The following BRSK2 variants were observed in gnomAD, a reference collection of about 807,000 sequenced individuals.
BRSK2 encodes serine/threonine-protein kinase BRSK2.
In BRSK2, 19 loss-of-function variants were observed where a neutral mutation model predicts 83.3. The observed-to-expected ratio is 0.23, with a 90% CI of 0.16 to 0.33. The LOEUF (loss-of-function observed/expected upper bound fraction) is 0.33, where lower values mean the gene tolerates loss of function less well. Ranked by LOEUF, BRSK2 falls within the 10% of genes least tolerant of loss-of-function variation. The probability of loss-of-function intolerance (pLI) is 1.00; values close to 1 mark genes in which losing one functional copy is unlikely to be tolerated. For synonymous variants in BRSK2, 519 were observed against 435.4 expected, an observed-to-expected ratio of 1.19 and a Z score of -2.39; for missense variants, 798 against 1,042.3, an observed-to-expected ratio of 0.77 and a Z score of 3.23.
At position 1,418,338 on chromosome 11, in the gene BRSK2, TG is replaced by T. The variant is rs764690423; in HGVS notation, c.92-17701del. ...TTTCTTCTCTTGAGAGTGGGTCACC[TG>T]TGTCCTGCTTCTGTTGTCTGTTTCT... On this transcript the variant is annotated intron_variant, in intron 1 of 19. Transcript: ENST00000528841. 1.9e-4 allele frequency among the ~76,000 whole-genome samples: 29 copies of T among 150,300 alleles called. 1 individual carries two copies. The highest frequency in any genetic ancestry group is 6.2e-4 in the African/African-American group (25 of 40,376).
chr11:1,455,909 A>AAGCCCCAGCAGGAGGGCAC lies in BRSK2; in HGVS notation c.1669-429_1669-411dup, dbSNP rs1290481886. ...TCCCGCAACCAGTGGGAGTCCCAGG[A>AAGCCCCAGCAGGAGGGCAC]AGCCCCAGCAGGAGGGCACAGCCCC... On this transcript the variant is annotated intron_variant, in intron 16 of 19. Coordinates refer to ENST00000528841, the MANE Select transcript of BRSK2 (RefSeq NM_001256627.2). 2.0e-5 allele frequency among the ~76,000 whole-genome samples: 3 copies of AAGCCCCAGCAGGAGGGCAC among 150,386 alleles called. No homozygotes were observed. In the South Asian group the frequency reaches 6.4e-4, roughly 32 times the overall value.
In BRSK2 at chr11:1,461,688, G is replaced by C. The variant is rs547612009; in HGVS notation, c.*965G>C. The C allele has an allele frequency of 3.9e-5, 6 of 152,206 alleles. No homozygotes were observed. Among genetic ancestry groups the C allele is most frequent in the African/African-American group, 1.2e-4 (5 of 41,510 alleles). 9.4% of individuals were successfully genotyped at this position (152,206 alleles called of 1,614,324 possible). On this transcript the variant is annotated 3_prime_UTR_variant, in exon 20 of 20. Transcript: ENST00000528841. Reference sequence around the variant, plus strand: ...GGACAGAGCTGGTGGGGCGCGGGGGGGCTGGCGAGCTACTGTAAACTTTAA... The same window carrying C: ...GGACAGAGCTGGTGGGGCGCGGGGGCGCTGGCGAGCTACTGTAAACTTTAA...
At chr11:1,404,988 C>T (rs2134070453) in intron 1 of BRSK2, among the ~76,000 whole-genome samples, 1 of 139,156 alleles carries the variant, frequency 7.2e-6, no homozygotes, top group Non-Finnish European at 1.5e-5. Context: ...GTGCAGGCCT[C>T]TGTCTCTGGT....
intron 1 of BRSK2, among the ~76,000 whole-genome samples, chr11:1,392,598 C>T (rs1845794954): frequency 6.6e-6 from 1 of 152,204 alleles, no homozygotes; most frequent in South Asian, 2.1e-4. Flanking sequence ...CTGACCCAAG[C>T]TGGGGCCTGC....
intron 1 of BRSK2, among the ~76,000 whole-genome samples, chr11:1,434,418 C>T (rs1306063320): frequency 7.2e-6 from 1 of 138,626 alleles, no homozygotes; most frequent in Non-Finnish European, 1.5e-5. Context: ...TGTCTGGGGG[C>T]ACCTAGGAGT....
rs190792817 is a variant in BRSK2, at chr11:1,445,283, T to C, written c.813-11T>C. 2 of 1,600,378 alleles carry C rather than the reference T, an allele frequency of 1.2e-6. No individual in the cohort carries two copies. The highest frequency in any genetic ancestry group is 1.1e-5 in the South Asian group (1 of 89,844). On this transcript the variant is annotated splice_polypyrimidine_tract_variant and intron_variant, in intron 9 of 19. Coordinates refer to ENST00000528841, the MANE Select transcript of BRSK2 (RefSeq NM_001256627.2). ...GAGCTGATGAGCGGGTGGCCCGTCC[T>C]GTGTCCACAGAGGGGGCAAGAATGA...
chr11:1,441,000 C>T, intron 4 of BRSK2, 72 bp downstream of exon 4: 1 of 1,404,042 alleles, frequency 7.1e-7, no homozygotes, highest in Non-Finnish European at 9.8e-7. Flanking sequence ...CAGATGCCCC[C>T]TGTGCCCCAA....
At chr11:1,410,389 TG>T (rs1443445343) in intron 1 of BRSK2, 2 of 940,562 alleles carry the variant, frequency 2.1e-6, no homozygotes, top group Non-Finnish European at 2.5e-6. Flanking sequence ...AGTCCGTGTT[TG>T]GGGGGGTTTG....
At position 1,445,805 on chromosome 11, in the gene BRSK2, A is replaced by C; in HGVS notation, c.1124A>C (p.Lys375Thr). Residue 375 changes from lysine to threonine, a missense_variant, in exon 12 of 20, where the codon AAG becomes ACG. Lys to Thr is a moderately conservative substitution (Grantham distance 78). Coordinates refer to ENST00000528841, the MANE Select transcript of BRSK2 (RefSeq NM_001256627.2). Reference protein sequence around the residue: ...VDSPMLNRHGKRRPERKSMEV... With the variant: ...VDSPMLNRHGTRRPERKSMEV... ...TCCCCGATGCTGAACCGGCACGGCA[A>C]GCGGCGGCCAGAACGCAAATCCATG... 1 of 1,612,450 alleles carries C rather than the reference A, an allele frequency of 6.2e-7. No homozygotes were observed. The highest frequency in any genetic ancestry group is 8.5e-7 in the Non-Finnish European group (1 of 1,179,696).
chr11:1,397,803 C>G (rs1564792223), intron 1 of BRSK2, among the ~76,000 whole-genome samples: 1 of 152,048 alleles, frequency 6.6e-6, no homozygotes, highest in Non-Finnish European at 1.5e-5. Flanking sequence ...ATGGCACTGG[C>G]TGAGGGGAAT....
chr11:1,437,263 G>T (rs1850443906), intron 2 of BRSK2, among the ~76,000 whole-genome samples: 1 of 152,156 alleles, frequency 6.6e-6, no homozygotes, highest in Non-Finnish European at 1.5e-5. Flanking sequence ...ATGTCCGCCT[G>T]GGAGGGAAGG....
chr11:1,440,351 G>A (rs905333096), intron 3 of BRSK2, among the ~76,000 whole-genome samples: 24 of 152,228 alleles, frequency 1.6e-4, no homozygotes, highest in African/African-American at 4.6e-4. Flanking sequence ...CCCTGGATGC[G>A]GCTGCGTGGT....
At position 1,450,625 on chromosome 11, in the gene BRSK2, C is replaced by T. The variant is rs377447154; in HGVS notation, c.1326C>T (p.Pro442=). 9 of 1,598,768 alleles carry T rather than the reference C, an allele frequency of 5.6e-6. No individual in the cohort carries two copies. Among genetic ancestry groups the T allele is most frequent in the African/African-American group, 4.1e-5 (3 of 74,020 alleles). The change falls in exon 14 of 20, where the codon CCC becomes CCT. Residue 442 remains proline (P), a synonymous_variant. Coordinates refer to ENST00000528841, the MANE Select transcript of BRSK2 (RefSeq NM_001256627.2). ...PHPSPRGSPL[P]TPKGTPVHTP... ...CCTCACCAAGGGGCAGTCCCCTCCC[C>T]ACCCCCAAGGGGACACCTGTCCACA...
intron 18 of BRSK2, chr11:1,457,173 A>G (rs901097127): frequency 2.1e-5 from 19 of 901,628 alleles, no homozygotes; most frequent in Non-Finnish European, 3.1e-5. Flanking sequence ...CAGGCCAAGC[A>G]TGCCCCGGGC....
At chr11:1,437,067 G>A (rs1360148284) in intron 2 of BRSK2, among the ~76,000 whole-genome samples, 2 of 152,056 alleles carry the variant, frequency 1.3e-5, no homozygotes, top group African/African-American at 4.8e-5. Context: ...CCCTGCCTTG[G>A]AGGAGAAACA....
chr11:1,419,617 A>T (rs1342823063), intron 1 of BRSK2, among the ~76,000 whole-genome samples: 1 of 152,192 alleles, frequency 6.6e-6, no homozygotes, highest in African/African-American at 2.4e-5. Flanking sequence ...AATTTTTGAA[A>T]TTCTCATTTC....
chr11:1,408,417 C>A (rs528384768), intron 1 of BRSK2, among the ~76,000 whole-genome samples: 1 of 152,330 alleles, frequency 6.6e-6, no homozygotes, highest in Admixed American at 6.5e-5. Flanking sequence ...CACGGGAGAA[C>A]TGGGGAGAAG....
rs1196487104 is a variant in BRSK2 at position 1,424,632 on chromosome 11, C to G, written c.92-11408C>G. Among the ~76,000 whole-genome samples the G allele has an allele frequency of 3.9e-5, 6 of 152,344 alleles. No individual in the cohort carries two copies. The East Asian group carries it at 1.2e-3, about 29-fold the overall frequency. On this transcript the variant is annotated intron_variant, in intron 1 of 19. Coordinates refer to ENST00000528841, the MANE Select transcript of BRSK2 (RefSeq NM_001256627.2). ...AGCCACACACCTGCTGCCCTGCCCT[C>G]CATCTGCATCCAGCCAACAGGCCAT...
intron 10 of BRSK2, 42 bp downstream of exon 10, chr11:1,445,500 G>A (rs573861664): frequency 8.7e-6 from 14 of 1,607,880 alleles, no homozygotes; most frequent in Non-Finnish European, 1.2e-5. Context: ...GGGGCCTGAG[G>A]TGGGAGCGCT....
Sources: allele counts gnomAD v4.1 joint callset (sites outside exome capture counted in the v4.1 genomes callset), GRCh38; gene constraint gnomAD v4.1.1; transcripts MANE v1.5; gene names NCBI Gene and HGNC (gene_info 2026-07-23, HGNC 2026-07-21).